SMAD1: variants seen among roughly 807,000 people sequenced by gnomAD.
SMAD1 encodes the protein SMAD family member 1, also known as MAD, mothers against decapentaplegic homolog 1.
In SMAD1, 6 loss-of-function variants were observed where a neutral mutation model predicts 41.6. That is an observed-to-expected ratio of 0.14 (90% confidence interval 0.08 to 0.28). The LOEUF is 0.28. SMAD1 is among the 10% of genes least tolerant of loss of function. The pLI, the probability that SMAD1 is intolerant of heterozygous loss-of-function variation, is 1.00. For synonymous variants in SMAD1, 206 were observed against 203.2 expected, an observed-to-expected ratio of 1.01 and a Z score of -0.12; for missense variants, 379 against 582.6, an observed-to-expected ratio of 0.65 and a Z score of 3.60.
At chr4:145,527,314 C>T (rs1053780354) in intron 2 of SMAD1, among the ~76,000 whole-genome samples, 13 of 151,448 alleles carry the variant, frequency 8.6e-5, no homozygotes, top group South Asian at 2.1e-4. Flanking sequence ...AGCTCCGCCT[C>T]CCGGGTTCAC....
intron 1 of SMAD1, among the ~76,000 whole-genome samples, chr4:145,493,115 A>G (rs11944685): frequency 0.64 from 97,131 of 152,120 alleles, 32,848 homozygotes; most frequent in African/African-American, 0.86. Flanking sequence ...AGCATCCCCT[A>G]CCCATCCTTA....
At chr4:145,507,797 TA>T (rs1261834098) in intron 1 of SMAD1, among the ~76,000 whole-genome samples, 1 of 152,126 alleles carries the variant, frequency 6.6e-6, no homozygotes, top group Non-Finnish European at 1.5e-5. Context: ...TGACATAAAC[TA>T]AGGCAGGAAG....
chr4:145,555,312 C>A (rs916052646), intron 6 of SMAD1, among the ~76,000 whole-genome samples: 12 of 152,144 alleles, frequency 7.9e-5, no homozygotes, highest in African/African-American at 2.9e-4. Flanking sequence ...AGAACAGTGA[C>A]CTGCCAGAAG....
At chr4:145,553,269 A>G (rs1732655775) in intron 5 of SMAD1, among the ~76,000 whole-genome samples, 1 of 123,434 alleles carries the variant, frequency 8.1e-6, no homozygotes, top group Non-Finnish European at 1.7e-5. Context: ...TAGATACTGT[A>G]TTAAGTAATG....
intron 2 of SMAD1, among the ~76,000 whole-genome samples, chr4:145,529,691 G>C (rs927923504): frequency 6.6e-6 from 1 of 152,154 alleles, no homozygotes; most frequent in Non-Finnish European, 1.5e-5. Context: ...GACCAATACT[G>C]TGTAGAGTTT....
intron 1 of SMAD1, among the ~76,000 whole-genome samples, chr4:145,487,852 A>G (rs1384763644): frequency 1.3e-5 from 2 of 151,206 alleles, no homozygotes; most frequent in African/African-American, 4.9e-5. Flanking sequence ...ATTCATTTGC[A>G]TAAAGGAAAC....
At chr4:145,486,647 A>G (rs953705297) in intron 1 of SMAD1, among the ~76,000 whole-genome samples, 4 of 152,174 alleles carry the variant, frequency 2.6e-5, no homozygotes, top group African/African-American at 4.8e-5. Context: ...TTCGGGTGAA[A>G]TATGTCCATG....
intron 1 of SMAD1, chr4:145,497,365 A>G (rs777253059): frequency 6.6e-6 from 1 of 152,238 alleles, no homozygotes; most frequent in Non-Finnish European, 1.5e-5. Context: ...CCTTAGATGA[A>G]GAGCCTGAAC....
rs923115537 is a variant in SMAD1, at chr4:145,558,976, G to A, written c.*1042G>A. ...TTAGTAACTCTGTTAAATATTTGGAGGATTTAAAGAACATCCCAGTTTGAA... is the reference window on the plus strand; with the variant it reads ...TTAGTAACTCTGTTAAATATTTGGAAGATTTAAAGAACATCCCAGTTTGAA... On this transcript the variant is annotated 3_prime_UTR_variant, in exon 7 of 7. Coordinates refer to ENST00000302085, the MANE Select transcript of SMAD1 (RefSeq NM_005900.3). Among the ~76,000 whole-genome samples the A allele has an allele frequency of 6.6e-6, 1 of 151,980 alleles. No homozygotes were observed. Among genetic ancestry groups the A allele is most frequent in the Non-Finnish European group, 1.5e-5 (1 of 67,968 alleles).
rs182019056 is a variant in SMAD1, at chr4:145,515,457, A to G, written c.400+444A>G. ...CTGTCTATATGCTTAAGGGAAGTAC[A>G]TCATGAGGGTAGTTGCCAGTGACTT... On this transcript the variant is annotated intron_variant, in intron 2 of 6. Transcript: ENST00000302085. 4.5e-3 allele frequency among the ~76,000 whole-genome samples: 691 copies of G among 152,318 alleles called. 7 individuals carry two copies. The highest frequency in any genetic ancestry group is 0.015 in the African/African-American group (624 of 41,572).
chr4:145,532,949 C>T (rs1272423346), intron 2 of SMAD1, among the ~76,000 whole-genome samples: 1 of 152,234 alleles, frequency 6.6e-6, no homozygotes, highest in East Asian at 1.9e-4. Flanking sequence ...AATGTTTCTT[C>T]TTTCCTTTTT....
chr4:145,523,732 G>A (rs190148795), intron 2 of SMAD1, among the ~76,000 whole-genome samples: 61 of 152,244 alleles, frequency 4.0e-4, no homozygotes, highest in Admixed American at 1.3e-3. Flanking sequence ...CAGCTTTTGC[G>A]CTTGAAGGTT....
intron 2 of SMAD1, among the ~76,000 whole-genome samples, chr4:145,529,698 G>GT (rs1731220721): frequency 6.6e-6 from 1 of 152,064 alleles, no homozygotes; most frequent in Non-Finnish European, 1.5e-5. Flanking sequence ...ACTGTGTAGA[G>GT]TTTTTTGTAA....
chr4:145,547,393 A>G (rs535112060), intron 5 of SMAD1, among the ~76,000 whole-genome samples: 1 of 152,360 alleles, frequency 6.6e-6, no homozygotes, highest in Admixed American at 6.5e-5. Context: ...ACCAAATTGA[A>G]CAACTGTCCA....
At chr4:145,552,376 C>G (rs979719198) in intron 5 of SMAD1, among the ~76,000 whole-genome samples, 7 of 152,208 alleles carry the variant, frequency 4.6e-5, no homozygotes, top group African/African-American at 1.7e-4. Context: ...ACCAGAGTTA[C>G]CTACAAGGTG....
intron 6 of SMAD1, among the ~76,000 whole-genome samples, chr4:145,555,025 A>G (rs1415007223): frequency 2.0e-5 from 3 of 152,050 alleles, no homozygotes; most frequent in Admixed American, 1.3e-4. Context: ...TACTTTTCCT[A>G]CTTATTTAAA....
intron 1 of SMAD1, among the ~76,000 whole-genome samples, chr4:145,510,394 C>G (rs960123762): frequency 4.6e-5 from 7 of 151,962 alleles, no homozygotes; most frequent in African/African-American, 1.7e-4. Context: ...GCATTTAAGA[C>G]TATAAATTTC....
chr4:145,523,034 GTTT>G (rs547176258), intron 2 of SMAD1, among the ~76,000 whole-genome samples: 1 of 151,912 alleles, frequency 6.6e-6, no homozygotes, highest in Non-Finnish European at 1.5e-5. Flanking sequence ...TCTAGTTCAA[GTTT>G]TTTTTAAGTT....
At chr4:145,547,464 A>T (rs915772264) in intron 5 of SMAD1, among the ~76,000 whole-genome samples, 2 of 152,240 alleles carry the variant, frequency 1.3e-5, no homozygotes, top group African/African-American at 4.8e-5. Flanking sequence ...TAATAAGAAA[A>T]AATAAAGACC....
Sources: gnomAD v4.1 joint callset for allele counts (sites outside exome capture counted in the v4.1 genomes callset) on GRCh38, gnomAD v4.1.1 for gene constraint, MANE v1.5 for transcripts, NCBI Gene and HGNC (gene_info 2026-07-23, HGNC 2026-07-21) for gene names.